The following ITPR2 variants were observed in gnomAD, a reference collection of about 807,000 sequenced individuals.
The protein encoded by ITPR2 is inositol 1,4,5-trisphosphate receptor type 2.
Under a neutral mutation model 317.1 loss-of-function variants are expected in ITPR2, and 207 were observed. That is an observed-to-expected ratio of 0.65 (90% CI 0.58 to 0.73). The LOEUF (loss-of-function observed/expected upper bound fraction) is 0.73, where lower values mean the gene tolerates loss of function less well. ITPR2 is among the 30% of genes least tolerant of loss of function. The pLI, the probability that ITPR2 is intolerant of heterozygous loss-of-function variation, is 0.00. For synonymous variants in ITPR2, 1,156 were observed against 1,149.1 expected (o/e 1.01, Z -0.12); for missense variants, 2,613 against 3,284.0 (o/e 0.80, Z 4.99).
At chr12:26,356,561 C>T (rs1938647516) in intron 55 of ITPR2, among the ~76,000 whole-genome samples, 1 of 152,146 alleles carries the variant, frequency 6.6e-6, no homozygotes, top group African/African-American at 2.4e-5. Flanking sequence ...CAGCCATGAG[C>T]CATAGATCAG....
At chr12:26,588,233 A>C (rs143377291) in intron 32 of ITPR2, among the ~76,000 whole-genome samples, 183 of 152,258 alleles carry the variant, frequency 1.2e-3, no homozygotes, top group Non-Finnish European at 2.2e-3. Flanking sequence ...GCAAACAGTG[A>C]CTATAGACAG....
Position 26,342,758 on chromosome 12 carries a change from C to T in ITPR2, c.7858-2430G>A, listed in dbSNP as rs1254654361. On this transcript the variant is annotated intron_variant, in intron 55 of 56. Coordinates refer to ENST00000381340, the MANE Select transcript of ITPR2 (RefSeq NM_002223.4). ...CCGAGTAGCTGGGATTATAGGTGTG[C>T]GCCACCATGCCCGGCTGATTTTGAA... Among the ~76,000 whole-genome samples, 10 of 152,056 alleles carry T rather than the reference C, an allele frequency of 6.6e-5. No homozygotes were observed. In the East Asian group the frequency reaches 7.7e-4, roughly 12 times the overall value.
At chr12:26,815,456 T>C (rs1396151388) in intron 1 of ITPR2, among the ~76,000 whole-genome samples, 1 of 152,232 alleles carries the variant, frequency 6.6e-6, no homozygotes, top group Non-Finnish European at 1.5e-5. Context: ...AACTAAATTG[T>C]TTCTTTCTAT....
intron 10 of ITPR2, among the ~76,000 whole-genome samples, chr12:26,687,918 T>G (rs1019754648): frequency 6.6e-6 from 1 of 152,160 alleles, no homozygotes; most frequent in African/African-American, 2.4e-5. Flanking sequence ...TAGTTTCTTA[T>G]TTGTAAATAT....
At chr12:26,712,307 G>C (rs1448100799) in intron 8 of ITPR2, among the ~76,000 whole-genome samples, 3 of 151,990 alleles carry the variant, frequency 2.0e-5, no homozygotes. Flanking sequence ...CCACCCTTTG[G>C]CTCCTGCTGC....
At chr12:26,633,142 TA>T (rs35818248) in intron 21 of ITPR2, among the ~76,000 whole-genome samples, 100,133 of 147,768 alleles carry the variant, frequency 0.68, 34,870 homozygotes, top group East Asian at 0.93. Flanking sequence ...AGATTTTTAT[TA>T]AAAAAAAAAA....
chr12:26,416,446 A>G (rs1269009724), intron 50 of ITPR2, among the ~76,000 whole-genome samples: 1 of 152,212 alleles, frequency 6.6e-6, no homozygotes, highest in Non-Finnish European at 1.5e-5. Flanking sequence ...TTTGTCTTCT[A>G]TCTGTGGGCA....
intron 50 of ITPR2, 75 bp downstream of exon 50, chr12:26,418,974 C>A: frequency 6.4e-6 from 8 of 1,248,686 alleles, no homozygotes; most frequent in South Asian, 4.2e-5. Context: ...AAAAAAAAAT[C>A]AAAGGAAGAG....
At chr12:26,710,392 C>G (rs74072327) in intron 9 of ITPR2, among the ~76,000 whole-genome samples, 3,371 of 152,210 alleles carry the variant, frequency 0.022, 137 homozygotes, top group African/African-American at 0.076. Context: ...ATTAATTTGC[C>G]CAATATGTCT....
chr12:26,393,989 A>C (rs1939920887), intron 54 of ITPR2, among the ~76,000 whole-genome samples: 2 of 151,092 alleles, frequency 1.3e-5, no homozygotes, highest in Non-Finnish European at 1.5e-5. Flanking sequence ...ATATTCACCA[A>C]TGCACATTAT....
At chr12:26,687,456 G>A (rs1205290954) in intron 10 of ITPR2, among the ~76,000 whole-genome samples, 1 of 152,164 alleles carries the variant, frequency 6.6e-6, no homozygotes, top group African/African-American at 2.4e-5. Context: ...CACTGTCACT[G>A]CACTATCACA....
chr12:26,649,484 C>T (rs1418934008), intron 21 of ITPR2: 1 of 152,172 alleles, frequency 6.6e-6, no homozygotes, highest in Non-Finnish European at 1.5e-5. Context: ...TTCTCCTAAT[C>T]CAGGATCCAG....
intron 45 of ITPR2, among the ~76,000 whole-genome samples, chr12:26,461,451 A>G (rs1028794243): frequency 6.6e-6 from 1 of 151,962 alleles, no homozygotes; most frequent in South Asian, 2.1e-4. Context: ...CATATTGTCT[A>G]TGGCTGTTTT....
chr12:26,675,270 C>T (rs1947881078), intron 13 of ITPR2, among the ~76,000 whole-genome samples: 1 of 152,200 alleles, frequency 6.6e-6, no homozygotes, highest in African/African-American at 2.4e-5. Context: ...CGGCACTATT[C>T]ACAATAGCAA....
At chr12:26,584,802 G>C (rs534721666) in intron 32 of ITPR2, among the ~76,000 whole-genome samples, 1 of 152,178 alleles carries the variant, frequency 6.6e-6, no homozygotes, top group African/African-American at 2.4e-5. Context: ...GGCACCTCTA[G>C]AGCCAGTCAC....
At chr12:26,572,554 G>A (rs970207654) in intron 34 of ITPR2, among the ~76,000 whole-genome samples, 1 of 152,206 alleles carries the variant, frequency 6.6e-6, no homozygotes, top group Admixed American at 6.5e-5. Flanking sequence ...GTAGACTGAA[G>A]CCAGTTGACT....
chr12:26,634,884 C>CAAAA (rs55985706), intron 21 of ITPR2, among the ~76,000 whole-genome samples: 19 of 58,546 alleles, frequency 3.2e-4, no homozygotes, highest in Admixed American at 9.9e-4. Flanking sequence ...GACTTCATCT[C>CAAAA]AAAAAAAAAA....
intron 10 of ITPR2, among the ~76,000 whole-genome samples, chr12:26,691,676 A>T (rs1015168649): frequency 6.6e-6 from 1 of 152,132 alleles, no homozygotes; most frequent in African/African-American, 2.4e-5. Context: ...TCCGCACAGC[A>T]GTCAGCCCCT....
chr12:26,517,121 A>G (rs535559555), intron 37 of ITPR2, among the ~76,000 whole-genome samples: 1 of 152,134 alleles, frequency 6.6e-6, no homozygotes, highest in Non-Finnish European at 1.5e-5. Flanking sequence ...CTCCTTAAAC[A>G]ACTTTTAGAA....
Sources: allele counts gnomAD v4.1 joint callset (sites outside exome capture counted in the v4.1 genomes callset), GRCh38; gene constraint gnomAD v4.1.1; transcripts MANE v1.5; gene names NCBI Gene and HGNC (gene_info 2026-07-23, HGNC 2026-07-21).